GLS2: variants seen among roughly 807,000 people sequenced by gnomAD.
GLS2 encodes glutaminase 2.
In GLS2, 52 loss-of-function variants were observed where a neutral mutation model predicts 79.0. The observed-to-expected ratio is 0.66, with a 90% CI of 0.53 to 0.83. The LOEUF is 0.83. GLS2 is among the 40% of genes least tolerant of loss of function. The pLI, the probability that GLS2 is intolerant of heterozygous loss-of-function variation, is 0.00. For missense variants in GLS2, 561 were observed against 764.8 expected (o/e 0.73, Z 3.14); for synonymous variants, 238 against 280.8 (o/e 0.85, Z 1.52).
chr12:56,480,396 G>T lies in GLS2; in HGVS notation c.183-9C>A. 5 of 1,612,202 alleles carry T rather than the reference G, an allele frequency of 3.1e-6. No individual in the cohort carries two copies. The highest frequency in any genetic ancestry group is 4.2e-6 in the Non-Finnish European group (5 of 1,178,320). On this transcript the variant is annotated splice_polypyrimidine_tract_variant and intron_variant, in intron 1 of 17. Transcript: ENST00000311966. ...CACTTTCTGATGAATCACTGTTTGGGGGCAGAGAATGGGGAGGAAAGTGGG... is the reference window on the plus strand; with the variant it reads ...CACTTTCTGATGAATCACTGTTTGGTGGCAGAGAATGGGGAGGAAAGTGGG...
Position 56,472,701 on chromosome 12 carries a change from T to G in GLS2, c.1500A>C (p.Ser500=). The G allele has an allele frequency of 6.2e-7, 1 of 1,613,766 alleles. No individual in the cohort carries two copies. Residue 500 remains serine, a synonymous_variant, in exon 15 of 18, where the codon TCA becomes TCC. Coordinates refer to ENST00000311966, the MANE Select transcript of GLS2 (RefSeq NM_013267.4). ...CACAGTAGCATTACCTTCGAAGAGCTGAGACATCGCCACTATAGGCAGCAA... is the reference window on the plus strand; with the variant it reads ...CACAGTAGCATTACCTTCGAAGAGCGGAGACATCGCCACTATAGGCAGCAA... ...LLFAAYSGDV[S]ALRRFALSAM...
At chr12:56,475,461 T>A in intron 9 of GLS2, 163 bp downstream of exon 9, 1 of 737,262 alleles carries the variant, frequency 1.4e-6, no homozygotes. Context: ...TTTTACAAGA[T>A]AAACAAATGT....
At chr12:56,473,348 T>C (rs1039721460) in intron 13 of GLS2, 28 bp from the exon 14 acceptor site, 1 of 1,613,080 alleles carries the variant, frequency 6.2e-7, no homozygotes, top group African/African-American at 1.3e-5. Flanking sequence ...ATATATTGTT[T>C]ATTTACTCCT....
intron 7 of GLS2, chr12:56,477,330 G>A: frequency 4.6e-6 from 1 of 216,246 alleles, no homozygotes; most frequent in Non-Finnish European, 9.2e-6. Context: ...CAATAGTGCT[G>A]TCCTCCCCTT....
chr12:56,474,728 A>C lies in GLS2; in HGVS notation c.1048-8T>G, dbSNP rs200412931. 1 of 1,608,262 alleles carries C rather than the reference A, an allele frequency of 6.2e-7. No homozygotes were observed. Among genetic ancestry groups the C allele is most frequent in the Non-Finnish European group, 8.5e-7 (1 of 1,176,220 alleles). ...GACCTCCACAGAACACAGCTATGAA[A>C]ACAAAGAATAGGTGAAGATGTGACG... is the stretch of plus-strand genomic sequence containing the variant. On this transcript the variant is annotated splice_region_variant and splice_polypyrimidine_tract_variant and intron_variant, in intron 11 of 17. Coordinates refer to ENST00000311966, the MANE Select transcript of GLS2 (RefSeq NM_013267.4).
chr12:56,472,549 T>TA (rs1869382834), intron 15 of GLS2, 141 bp downstream of exon 15: 5 of 747,992 alleles, frequency 6.7e-6, no homozygotes, highest in Non-Finnish European at 1.1e-5. Flanking sequence ...ATCTCCTTTT[T>TA]TAAAAAAATT....
chr12:56,472,023 C>CT, intron 16 of GLS2, 96 bp downstream of exon 16: 1 of 1,408,424 alleles, frequency 7.1e-7, no homozygotes. Flanking sequence ...GTTGCTGCCC[C>CT]TATAACCTTG....
intron 3 of GLS2, 60 bp from the exon 4 acceptor site, chr12:56,479,241 G>A (rs1374250994): frequency 6.3e-6 from 10 of 1,587,464 alleles, no homozygotes; most frequent in Non-Finnish European, 6.8e-6. Flanking sequence ...ACTCACTCTG[G>A]AGCCACGGAA....
chr12:56,476,151 CTCTCTT>C (rs1869790941), intron 7 of GLS2, 174 bp from the exon 8 acceptor site: 1 of 580,990 alleles, frequency 1.7e-6, no homozygotes, highest in Non-Finnish European at 3.0e-6. Context: ...CCATTGGCTC[CTCTCTT>C]TCTCTTTCTT....
At chr12:56,472,629 T>A in intron 15 of GLS2, 61 bp downstream of exon 15, 2 of 1,453,456 alleles carry the variant, frequency 1.4e-6, no homozygotes, top group Non-Finnish European at 1.9e-6. Flanking sequence ...TTACGCTGCC[T>A]CCTAGTAAAA....
intron 8 of GLS2, 22 bp downstream of exon 8, chr12:56,475,923 G>A (rs1452424198): frequency 6.2e-7 from 1 of 1,613,456 alleles, no homozygotes; most frequent in Non-Finnish European, 8.5e-7. Context: ...GCAGCCAGGG[G>A]CTAAGTAGCA....
At chr12:56,472,363 T>A in intron 15 of GLS2, 168 bp from the exon 16 acceptor site, 1 of 629,252 alleles carries the variant, frequency 1.6e-6, no homozygotes, top group South Asian at 1.9e-5. Context: ...GAGACTGTTA[T>A]ACTCATATTA....
chr12:56,472,417 T>C, intron 15 of GLS2: 1 of 606,800 alleles, frequency 1.6e-6, no homozygotes, highest in East Asian at 2.8e-5. Context: ...ACTCACTGCC[T>C]ACCTGTGGTA....
intron 9 of GLS2, 32 bp from the exon 10 acceptor site, chr12:56,475,142 T>C (rs181154188): frequency 1.2e-6 from 2 of 1,613,414 alleles, no homozygotes; most frequent in East Asian, 4.5e-5. Context: ...GTACTTGAAG[T>C]TGGAGGAGTG....
chr12:56,477,447 GT>G lies in GLS2; in HGVS notation c.837+212del, dbSNP rs1372301162. On this transcript the variant is annotated intron_variant, in intron 7 of 17. Transcript: ENST00000311966. ...GACTCATGGGTGGGGGCAGGGAACAGTACTGAGTGGGGATGACGGAGGTGGT... is the reference window on the plus strand; with the variant it reads ...GACTCATGGGTGGGGGCAGGGAACAGACTGAGTGGGGATGACGGAGGTGGT... 7 of 512,556 alleles carry G rather than the reference GT, an allele frequency of 1.4e-5. No homozygotes were observed. The East Asian group carries it at 2.3e-4, about 17-fold the overall frequency. The allele number at this position is 512,556 out of a possible 1,614,324, so 31.8% of individuals were successfully genotyped here.
In GLS2 at chr12:56,488,060, C is replaced by A; in HGVS notation, c.59G>T (p.Arg20Leu). Residue 20 changes from arginine (R) to leucine (L), a missense_variant, in exon 1 of 18, where the codon CGA becomes CTA. This residue lies in a region of GLS2 where 161 missense variants were observed against 167.8 expected (regional missense o/e 0.96). Coordinates refer to ENST00000311966, the MANE Select transcript of GLS2 (RefSeq NM_013267.4). Reference protein sequence around the residue: ...ALSRAGSHCGRGGWGHPSRSP... With the variant: ...ALSRAGSHCGLGGWGHPSRSP... The stretch of plus-strand genomic sequence containing the variant: ...CCGGCTCGGGTGACCCCAGCCTCCT[C>A]GCCCGCAGTGACTGCCAGCCCGGCT... 6.3e-7 allele frequency: 1 copy of A among 1,583,292 alleles called. No homozygotes were observed.
In GLS2 at chr12:56,475,082, G is replaced by A. The variant is rs766319902; in HGVS notation, c.958C>T (p.Arg320Trp). Residue 320 changes from arginine (R) to tryptophan (W), a missense_variant, in exon 10 of 18, where the codon CGG becomes TGG. Arg to Trp is a moderately radical substitution (Grantham distance 101, BLOSUM62 -3). Around this residue, in one of 4 missense-constraint regions of GLS2, gnomAD observed 221 missense variants for 275.6 expected, o/e 0.80. Coordinates refer to ENST00000311966, the MANE Select transcript of GLS2 (RefSeq NM_013267.4). ...AGATAATAGCCGATGGCATAATTCCGATCCCCTGTTTCCTTCTCTGACTGG... is the reference window on the plus strand; with the variant it reads ...AGATAATAGCCGATGGCATAATTCCAATCCCCTGTTTCCTTCTCTGACTGG... ...TFQSEKETGD[R>W]NYAIGYYLKE... 3 of 1,614,004 alleles carry A rather than the reference G, an allele frequency of 1.9e-6. No homozygotes were observed. The highest frequency in any genetic ancestry group is 1.1e-5 in the South Asian group (1 of 91,074).
Position 56,475,948 on chromosome 12 carries a change from A to G in GLS2, c.867T>C (p.Asp289=), listed in dbSNP as rs878999698. 4 of 1,613,754 alleles carry G rather than the reference A, an allele frequency of 2.5e-6. No homozygotes were observed. In the South Asian group the frequency reaches 4.4e-5, roughly 18 times the overall value. The change falls in exon 8 of 18, where the codon GAT becomes GAC. Residue 289 remains aspartate (D), a synonymous_variant. Coordinates refer to ENST00000311966, the MANE Select transcript of GLS2 (RefSeq NM_013267.4). The stretch of plus-strand genomic sequence containing the variant: ...GCTAAGTAGCAAGGGAACTTACAAA[A>G]TCAAACTTCTCTGCTTTGTTACAGT... ...KMDCNKAEKF[D]FVLQYLNKMA...
chr12:56,481,368 G>A (rs1235420677), intron 1 of GLS2, among the ~76,000 whole-genome samples: 1 of 151,322 alleles, frequency 6.6e-6, no homozygotes, highest in African/African-American at 2.4e-5. Context: ...ACCACGCCTG[G>A]CTAATTTTTT....
Sources: gnomAD v4.1 joint callset for allele counts (sites outside exome capture counted in the v4.1 genomes callset) on GRCh38, gnomAD v4.1.1 for gene constraint, gnomAD v4.1.1 regional missense constraint, MANE v1.5 for transcripts, NCBI Gene and HGNC (gene_info 2026-07-23, HGNC 2026-07-21) for gene names.